Variants in GBE1 observed in about 807,000 individuals in gnomAD.
GBE1 encodes the protein 1,4-alpha-glucan-branching enzyme.
In GBE1, 70 loss-of-function variants were observed where a neutral mutation model predicts 88.8. The ratio of observed to expected loss-of-function variants is 0.79; its 90% CI spans 0.65 to 0.96. The LOEUF (loss-of-function observed/expected upper bound fraction) is 0.96, where lower values mean the gene tolerates loss of function less well. GBE1 is among the 40% of genes least tolerant of loss of function. The pLI, the probability that GBE1 is intolerant of heterozygous loss-of-function variation, is 0.00. For synonymous variants in GBE1, 284 were observed against 300.1 expected (o/e 0.95, Z 0.56); for missense variants, 872 against 871.0 (o/e 1.00, Z -0.01).
At chr3:81,522,246 T>A (rs140320755) in intron 14 of GBE1, among the ~76,000 whole-genome samples, 2 of 151,546 alleles carry the variant, frequency 1.3e-5, no homozygotes, top group Non-Finnish European at 3.0e-5. Flanking sequence ...AGCCTCAGAG[T>A]ACAGAACTAA....
At chr3:81,496,576 C>G (rs574865468) in intron 15 of GBE1, among the ~76,000 whole-genome samples, 2 of 152,274 alleles carry the variant, frequency 1.3e-5, no homozygotes, top group African/African-American at 4.8e-5. Context: ...TGAGTGATCT[C>G]ACTGGAAGTG....
intron 12 of GBE1, among the ~76,000 whole-genome samples, chr3:81,544,670 T>C (rs1703182694): frequency 6.6e-6 from 1 of 152,188 alleles, no homozygotes; most frequent in Admixed American, 6.5e-5. Flanking sequence ...TAGTTCCATT[T>C]CCTCCTTACA....
intron 7 of GBE1, among the ~76,000 whole-genome samples, chr3:81,598,712 C>T (rs1441852800): frequency 6.0e-5 from 9 of 150,974 alleles, no homozygotes; most frequent in Non-Finnish European, 8.9e-5. Context: ...ATTTTAGACA[C>T]GAGAATTATA....
chr3:81,587,154 CAG>C (rs971709342), intron 9 of GBE1, among the ~76,000 whole-genome samples: 19 of 152,140 alleles, frequency 1.2e-4, no homozygotes, highest in Non-Finnish European at 2.1e-4. Context: ...AGCTTTTTGA[CAG>C]GGGGTCCTTT....
In GBE1 at chr3:81,595,479, G is replaced by A. The variant is rs1436931298; in HGVS notation, c.993-1456C>T. On this transcript the variant is annotated intron_variant, in intron 7 of 15. Coordinates refer to ENST00000429644, the MANE Select transcript of GBE1 (RefSeq NM_000158.4). ...AGTTCCCTGTCCCCAAGCATATATC[G>A]ATATTTTGTAACAAGTTTGCTATAT... Among the ~76,000 whole-genome samples the A allele has an allele frequency of 5.3e-5, 8 of 151,696 alleles. No homozygotes were observed. The East Asian group carries it at 9.6e-4, about 18-fold the overall frequency.
chr3:81,600,402 A>T (rs1053085748), intron 7 of GBE1, among the ~76,000 whole-genome samples: 23 of 152,144 alleles, frequency 1.5e-4, no homozygotes, highest in African/African-American at 5.3e-4. Context: ...TTATTTACTT[A>T]TATTTAGCCA....
At chr3:81,576,945 C>T (rs1703656318) in intron 12 of GBE1, among the ~76,000 whole-genome samples, 2 of 151,864 alleles carry the variant, frequency 1.3e-5, no homozygotes, top group Admixed American at 1.3e-4. Flanking sequence ...TTCAAAGATC[C>T]AGGGCTTTTT....
chr3:81,567,715 C>T (rs1703511927), intron 12 of GBE1, among the ~76,000 whole-genome samples: 1 of 152,156 alleles, frequency 6.6e-6, no homozygotes, highest in Non-Finnish European at 1.5e-5. Flanking sequence ...TATATCTTGA[C>T]TCTTTTTGCC....
At chr3:81,730,336 G>A (rs941455893) in intron 1 of GBE1, among the ~76,000 whole-genome samples, 2 of 152,146 alleles carry the variant, frequency 1.3e-5, no homozygotes. Context: ...AATATATAGT[G>A]TTATCTCCCC....
intron 6 of GBE1, among the ~76,000 whole-genome samples, chr3:81,645,883 G>A (rs993846355): frequency 7.2e-5 from 11 of 152,184 alleles, no homozygotes; most frequent in South Asian, 6.2e-4. Flanking sequence ...GGACTTCTTC[G>A]GTCTGTGGTC....
rs1482323737 is a variant in GBE1 at position 81,586,129 on chromosome 3, T to C, written c.1298A>G (p.Tyr433Cys). The C allele has an allele frequency of 3.1e-6, 5 of 1,609,980 alleles. No homozygotes were observed. The African/African-American group carries it at 5.4e-5, about 17-fold the overall frequency. Reference sequence around the variant, plus strand: ...ATCTGGAATTGCCATGGCTAGTCGATAGTCAAAACCACCCCCTCCCTGGGA... The same window carrying C: ...ATCTGGAATTGCCATGGCTAGTCGACAGTCAAAACCACCCCCTCCCTGGGA... The part of the protein sequence containing the change: ...PISQGGGGFD[Y>C]RLAMAIPDKW... Residue 433 changes from tyrosine (Y) to cysteine (C), a missense_variant, in exon 10 of 16, where the codon TAT (tyrosine) becomes TGT (cysteine). Tyr to Cys is a radical substitution (Grantham distance 194, BLOSUM62 -2). Transcript: ENST00000429644.
intron 3 of GBE1, among the ~76,000 whole-genome samples, chr3:81,653,672 T>C (rs1165184383): frequency 1.3e-5 from 2 of 152,190 alleles, no homozygotes; most frequent in Non-Finnish European, 2.9e-5. Flanking sequence ...TTAAAAAATA[T>C]ACTATTTAAG....
intron 1 of GBE1, among the ~76,000 whole-genome samples, chr3:81,719,971 CA>C: frequency 6.6e-6 from 1 of 152,196 alleles, no homozygotes; most frequent in Non-Finnish European, 1.5e-5. Context: ...ATAAATGAAT[CA>C]GTTATCACTT....
At chr3:81,666,918 G>A (rs1169525222) in intron 3 of GBE1, among the ~76,000 whole-genome samples, 1 of 152,164 alleles carries the variant, frequency 6.6e-6, no homozygotes. Context: ...AGCTCCTTTA[G>A]AGAGCTCAAT....
chr3:81,680,946 G>A (rs575655429), intron 2 of GBE1, among the ~76,000 whole-genome samples: 1 of 152,354 alleles, frequency 6.6e-6, no homozygotes, highest in African/African-American at 2.4e-5. Flanking sequence ...ATAAACGTCT[G>A]TTGTTTAGAA....
Position 81,614,288 on chromosome 3 carries a change from T to TA in GBE1, c.993-20266dup, listed in dbSNP as rs200166741. ...GTGTCCCCTATATCTCAATCTAATC[T>TA]AGGGGGGGAAAAAACCCTACCATAA... On this transcript the variant is annotated intron_variant, in intron 7 of 15. Transcript: ENST00000429644. Among the ~76,000 whole-genome samples the TA allele has an allele frequency of 3.2e-3, 484 of 152,280 alleles. 1 individual carries two copies. Among genetic ancestry groups the TA allele is most frequent in the South Asian group, 5.6e-3 (27 of 4,824 alleles).
intron 5 of GBE1, 43 bp downstream of exon 5, chr3:81,648,813 T>G: frequency 8.3e-7 from 1 of 1,208,032 alleles, no homozygotes; most frequent in South Asian, 1.8e-5. Context: ...GAGAACAGAC[T>G]CATTAAAATT....
At chr3:81,591,761 T>C (rs540941489) in intron 8 of GBE1, among the ~76,000 whole-genome samples, 167 of 152,260 alleles carry the variant, frequency 1.1e-3, no homozygotes, top group African/African-American at 3.9e-3. Context: ...CTTTCTATTC[T>C]TTCAGTAATT....
rs548139620 is a variant in GBE1 at position 81,512,982 on chromosome 3, G to A, written c.1935-13755C>T. 3.8e-3 allele frequency among the ~76,000 whole-genome samples: 577 copies of A among 151,690 alleles called. 2 individuals are homozygous for A. Among genetic ancestry groups the A allele is most frequent in the South Asian group, 5.6e-3 (27 of 4,808 alleles). ...TAATTTTGTTTAATTTGAATGGGCT[G>A]AGCTAGGTTATACTAGAGTTTTTCA... On this transcript the variant is annotated intron_variant, in intron 14 of 15. Transcript: ENST00000429644.
Sources: gnomAD v4.1 joint callset for allele counts (sites outside exome capture counted in the v4.1 genomes callset) on GRCh38, gnomAD v4.1.1 for gene constraint, MANE v1.5 for transcripts, NCBI Gene and HGNC (gene_info 2026-07-23, HGNC 2026-07-21) for gene names.